The following KMO variants were observed in gnomAD, a reference collection of about 807,000 sequenced individuals.
KMO encodes the protein kynurenine 3-hydroxylase.
Under a neutral mutation model 57.8 loss-of-function variants are expected in KMO, and 24 were observed. The observed-to-expected ratio is 0.42, with a 90% CI of 0.30 to 0.58. KMO has a LOEUF of 0.58. Ranked by LOEUF, KMO falls within the 20% of genes least tolerant of loss-of-function variation. The probability of loss-of-function intolerance (pLI) is 0.22; values close to 1 mark genes in which losing one functional copy is unlikely to be tolerated. For missense variants in KMO, 483 were observed against 588.2 expected, an observed-to-expected ratio of 0.82 and a Z score of 1.85; for synonymous variants, 210 against 193.6, an observed-to-expected ratio of 1.08 and a Z score of -0.70.
chr1:241,555,643 A>G lies in KMO; in HGVS notation c.344A>G (p.Asn115Ser). 6.4e-7 allele frequency: 1 copy of G among 1,573,444 alleles called. No individual in the cohort carries two copies. Among genetic ancestry groups the G allele is most frequent in the Non-Finnish European group, 8.7e-7 (1 of 1,144,152 alleles). Residue 115 changes from asparagine to serine, a missense_variant, in exon 5 of 15, where the codon AAC becomes AGC. Coordinates refer to ENST00000366559, the MANE Select transcript of KMO (RefSeq NM_003679.5). ...CTTTCTGTAAGCAGAGAAAATCTAAACAAGGATCTATTGACTGGTAAGTCT... is the reference window on the plus strand; with the variant it reads ...CTTTCTGTAAGCAGAGAAAATCTAAGCAAGGATCTATTGACTGGTAAGTCT... ...YILSVSRENL[N>S]KDLLTAAEKY...
chr1:241,581,381 G>T (rs1662745263), intron 10 of KMO, among the ~76,000 whole-genome samples: 1 of 151,820 alleles, frequency 6.6e-6, no homozygotes, highest in African/African-American at 2.4e-5. Flanking sequence ...CTTCTTTTCT[G>T]GTTGTTTTGT....
intron 4 of KMO, among the ~76,000 whole-genome samples, chr1:241,554,636 G>A (rs1242747708): frequency 1.3e-5 from 2 of 150,448 alleles, no homozygotes; most frequent in Non-Finnish European, 3.0e-5. Context: ...ACGTTTAAGA[G>A]TCCATAAAAA....
intron 14 of KMO, 180 bp downstream of exon 14, chr1:241,590,443 G>T: frequency 1.8e-6 from 1 of 546,228 alleles, no homozygotes; most frequent in South Asian, 2.6e-5. Context: ...AACATTACAA[G>T]GAGGTGGCAA....
intron 10 of KMO, among the ~76,000 whole-genome samples, chr1:241,583,080 G>C (rs1662818804): frequency 6.6e-6 from 1 of 152,144 alleles, no homozygotes; most frequent in Non-Finnish European, 1.5e-5. Flanking sequence ...TTGTCCTAAA[G>C]GGAGAATTCC....
At chr1:241,560,561 T>C in intron 5 of KMO, 104 bp from the exon 6 acceptor site, 1 of 782,006 alleles carries the variant, frequency 1.3e-6, no homozygotes, top group Non-Finnish European at 2.2e-6. Flanking sequence ...ATGAATAAAA[T>C]TCTCTACCAT....
chr1:241,576,826 T>C (rs1662537114), intron 10 of KMO, among the ~76,000 whole-genome samples: 1 of 152,134 alleles, frequency 6.6e-6, no homozygotes, highest in Admixed American at 6.5e-5. Context: ...TCCCTCAAAT[T>C]AGTTTCCAAA....
At chr1:241,559,452 T>TA (rs11369477) in intron 5 of KMO, among the ~76,000 whole-genome samples, 151,988 of 152,296 alleles carry the variant, frequency 1, 75,842 homozygotes, top group Middle Eastern at 1. Context: ...CATAATTTTT[T>TA]AAAAGTTTTT....
At chr1:241,575,091 T>C (rs901231855) in intron 10 of KMO, among the ~76,000 whole-genome samples, 3 of 152,028 alleles carry the variant, frequency 2.0e-5, no homozygotes, top group African/African-American at 7.2e-5. Flanking sequence ...ATCTTTTGTA[T>C]TTTTGTGGTG....
At chr1:241,579,154 G>A (rs1446683377) in intron 10 of KMO, among the ~76,000 whole-genome samples, 1 of 152,110 alleles carries the variant, frequency 6.6e-6, no homozygotes. Context: ...CCTGAGTGCA[G>A]GTTATTCTAC....
intron 14 of KMO, among the ~76,000 whole-genome samples, chr1:241,590,783 T>C (rs1663263969): frequency 6.6e-6 from 1 of 152,174 alleles, no homozygotes; most frequent in African/African-American, 2.4e-5. Flanking sequence ...TGAGCTGGCA[T>C]GGTGATGAAC....
intron 4 of KMO, among the ~76,000 whole-genome samples, chr1:241,553,341 A>T (rs1558417007): frequency 6.6e-6 from 1 of 152,226 alleles, no homozygotes; most frequent in Non-Finnish European, 1.5e-5. Context: ...CAAGTCTATC[A>T]GTTCCCAGAT....
At chr1:241,551,725 T>C (rs1359608176) in intron 4 of KMO, among the ~76,000 whole-genome samples, 3 of 152,226 alleles carry the variant, frequency 2.0e-5, no homozygotes, top group Non-Finnish European at 4.4e-5. Flanking sequence ...ACTTCCTTTA[T>C]TTTTATCCAG....
chr1:241,572,746 G>A (rs972347193), intron 10 of KMO, among the ~76,000 whole-genome samples: 2 of 152,034 alleles, frequency 1.3e-5, no homozygotes, highest in African/African-American at 4.8e-5. Context: ...TCTGTGACCT[G>A]AGTAGAGTAC....
chr1:241,581,713 A>G (rs983958735), intron 10 of KMO, among the ~76,000 whole-genome samples: 1 of 152,098 alleles, frequency 6.6e-6, no homozygotes, highest in Non-Finnish European at 1.5e-5. Flanking sequence ...GTCTCTATAT[A>G]TATCTTTTTA....
chr1:241,550,916 T>C, intron 3 of KMO, 39 bp from the exon 4 acceptor site: 1 of 913,928 alleles, frequency 1.1e-6, no homozygotes, highest in South Asian at 1.7e-5. Context: ...TAATGCCATG[T>C]TACTGTCATT....
chr1:241,580,589 C>A (rs1296145788), intron 10 of KMO, among the ~76,000 whole-genome samples: 1 of 152,004 alleles, frequency 6.6e-6, no homozygotes, highest in Non-Finnish European at 1.5e-5. Flanking sequence ...CCTTATTGGT[C>A]AATTTCTTCA....
At chr1:241,564,788 C>G (rs1245110137) in intron 7 of KMO, among the ~76,000 whole-genome samples, 199 bp from the exon 8 acceptor site, 1 of 152,016 alleles carries the variant, frequency 6.6e-6, no homozygotes, top group African/African-American at 2.4e-5. Context: ...GTATCAAAAA[C>G]CTACCTAAGG....
intron 3 of KMO, 44 bp from the exon 4 acceptor site, chr1:241,550,911 C>A: frequency 2.4e-6 from 2 of 845,668 alleles, no homozygotes; most frequent in Non-Finnish European, 3.7e-6. Flanking sequence ...TTGCATAATG[C>A]CATGTTACTG....
At chr1:241,578,510 G>A (rs1260225854) in intron 10 of KMO, among the ~76,000 whole-genome samples, 1 of 152,138 alleles carries the variant, frequency 6.6e-6, no homozygotes, top group East Asian at 1.9e-4. Context: ...CCACACTTGA[G>A]GCCACTGTGG....
Sources: allele counts gnomAD v4.1 joint callset (sites outside exome capture counted in the v4.1 genomes callset), GRCh38; gene constraint gnomAD v4.1.1; transcripts MANE v1.5; gene names NCBI Gene and HGNC (gene_info 2026-07-23, HGNC 2026-07-21).